Variants in ERBB4 observed in about 807,000 individuals in gnomAD.
ERBB4 encodes the protein erb-b2 receptor tyrosine kinase 4, also known as receptor tyrosine-protein kinase erbB-4.
A neutral mutation model predicts 158.0 loss-of-function variants in ERBB4; 42 were observed. The observed-to-expected ratio is 0.27, with a 90% CI of 0.21 to 0.34. The LOEUF (loss-of-function observed/expected upper bound fraction) is 0.34, where lower values mean the gene tolerates loss of function less well. Among genes scored for constraint, ERBB4 ranks in the 10% least tolerant of loss-of-function variants. The pLI is 1.00. For missense variants in ERBB4, 1,333 were observed against 1,624.1 expected (o/e 0.82, Z 3.08); for synonymous variants, 583 against 558.7 (o/e 1.04, Z -0.61).
intron 19 of ERBB4, among the ~76,000 whole-genome samples, chr2:211,600,350 G>T (rs961845936): frequency 6.6e-6 from 1 of 152,020 alleles, no homozygotes; most frequent in Non-Finnish European, 1.5e-5. Flanking sequence ...TGGGATAATA[G>T]CAAGTGAAAA....
intron 1 of ERBB4, among the ~76,000 whole-genome samples, chr2:212,148,259 T>C (rs1271319829): frequency 6.6e-6 from 1 of 152,072 alleles, no homozygotes; most frequent in Non-Finnish European, 1.5e-5. Context: ...GAATATAGAC[T>C]AAAAACTAGC....
intron 20 of ERBB4, among the ~76,000 whole-genome samples, chr2:211,542,984 G>A (rs1290723667): frequency 1.3e-5 from 2 of 151,970 alleles, no homozygotes; most frequent in Non-Finnish European, 2.9e-5. Context: ...GAATTAGTAA[G>A]TTGGCAGAAT....
At chr2:212,465,904 T>C (rs1157691636) in intron 1 of ERBB4, among the ~76,000 whole-genome samples, 1 of 152,224 alleles carries the variant, frequency 6.6e-6, no homozygotes, top group Non-Finnish European at 1.5e-5. Context: ...GAAGTTCTTC[T>C]ATTTGAAATT....
intron 1 of ERBB4, among the ~76,000 whole-genome samples, chr2:212,292,494 T>C (rs888571160): frequency 1.3e-5 from 2 of 151,970 alleles, no homozygotes; most frequent in Non-Finnish European, 2.9e-5. Flanking sequence ...TAATTATAGA[T>C]AAAAAATAGT....
intron 20 of ERBB4, among the ~76,000 whole-genome samples, chr2:211,495,923 G>A (rs1251081261): frequency 2.6e-5 from 4 of 151,758 alleles, no homozygotes; most frequent in Non-Finnish European, 4.4e-5. Context: ...TGCTAAAAAC[G>A]TAGGGTTGTC....
At chr2:212,373,216 A>G (rs1008999513) in intron 1 of ERBB4, among the ~76,000 whole-genome samples, 1 of 152,116 alleles carries the variant, frequency 6.6e-6, no homozygotes, top group Non-Finnish European at 1.5e-5. Context: ...TATTATCCAC[A>G]TTTTAGAGAT....
rs564197753 is a variant in ERBB4 at position 211,440,999 on chromosome 2, T to C, written c.2488-9899A>G. On this transcript the variant is annotated intron_variant, in intron 20 of 27. Transcript: ENST00000342788. ...AAAGTGGCACCTACATACTTCCTTC[T>C]GGAAGTCACCCAGCCACTTCCAAAC... 2.3e-4 allele frequency among the ~76,000 whole-genome samples: 35 copies of C among 152,332 alleles called. No individual in the cohort carries two copies. The South Asian group carries it at 3.7e-3, about 16-fold the overall frequency.
intron 1 of ERBB4, among the ~76,000 whole-genome samples, chr2:212,459,499 A>C (rs1290973459): frequency 1.3e-5 from 2 of 152,208 alleles, no homozygotes; most frequent in African/African-American, 4.8e-5. Flanking sequence ...GAAAGTAATA[A>C]TACTGTGAAA....
chr2:211,407,944 A>G (rs1354977722), intron 25 of ERBB4, among the ~76,000 whole-genome samples: 1 of 152,218 alleles, frequency 6.6e-6, no homozygotes, highest in Non-Finnish European at 1.5e-5. Context: ...TGGAGTAATC[A>G]AAGGATATTC....
At chr2:211,581,617 T>G (rs567329091) in intron 19 of ERBB4, among the ~76,000 whole-genome samples, 176 of 152,290 alleles carry the variant, frequency 1.2e-3, no homozygotes, top group Non-Finnish European at 2.2e-3. Context: ...TGAGTAGAAT[T>G]TTGCTTCTAG....
intron 6 of ERBB4, among the ~76,000 whole-genome samples, chr2:211,723,059 T>C (rs1360505386): frequency 6.6e-6 from 1 of 152,200 alleles, no homozygotes; most frequent in Non-Finnish European, 1.5e-5. Flanking sequence ...ATACAGTGCA[T>C]GTAATGCCAA....
chr2:211,899,714 TTAA>T (rs1456638404), intron 3 of ERBB4, among the ~76,000 whole-genome samples: 1 of 152,120 alleles, frequency 6.6e-6, no homozygotes, highest in African/African-American at 2.4e-5. Flanking sequence ...ATATAATTCC[TTAA>T]TAGAAAAAGT....
chr2:212,527,219 C>CAT (rs1008732361), intron 1 of ERBB4, among the ~76,000 whole-genome samples: 4 of 151,978 alleles, frequency 2.6e-5, no homozygotes, highest in African/African-American at 9.7e-5. Flanking sequence ...CTGGATTAGG[C>CAT]ATACTCATAT....
At chr2:211,911,946 C>A (rs72933742) in intron 3 of ERBB4, among the ~76,000 whole-genome samples, 9,532 of 151,632 alleles carry the variant, frequency 0.063, 453 homozygotes, top group Non-Finnish European at 0.092. Flanking sequence ...GTTTCAATCA[C>A]TGAGGTTTAT....
chr2:211,748,013 T>C (rs1185940432), intron 5 of ERBB4, among the ~76,000 whole-genome samples: 2 of 151,800 alleles, frequency 1.3e-5, no homozygotes, highest in African/African-American at 2.4e-5. Flanking sequence ...CATAATACAA[T>C]GTAAATGCTA....
chr2:212,351,372 T>C (rs1305250736), intron 1 of ERBB4, among the ~76,000 whole-genome samples: 1 of 152,160 alleles, frequency 6.6e-6, no homozygotes, highest in African/African-American at 2.4e-5. Context: ...TTGTTTAAGC[T>C]ACCCAGTCCA....
chr2:212,053,618 T>C (rs188563975), intron 2 of ERBB4, among the ~76,000 whole-genome samples: 38 of 152,328 alleles, frequency 2.5e-4, no homozygotes, highest in African/African-American at 7.0e-4. Flanking sequence ...CCCTTTGTTC[T>C]TGGAATAGAA....
At chr2:211,805,262 T>C (rs1456897539) in intron 3 of ERBB4, among the ~76,000 whole-genome samples, 1 of 150,998 alleles carries the variant, frequency 6.6e-6, no homozygotes, top group Non-Finnish European at 1.5e-5. Context: ...CTCCATGCCA[T>C]AGGCTGGAAG....
intron 19 of ERBB4, among the ~76,000 whole-genome samples, chr2:211,613,590 C>G (rs2069278925): frequency 6.6e-6 from 1 of 151,770 alleles, no homozygotes; most frequent in African/African-American, 2.4e-5. Context: ...ATAATCTGAC[C>G]AAAATGTGGG....
Sources: allele counts gnomAD v4.1 joint callset (sites outside exome capture counted in the v4.1 genomes callset), GRCh38; gene constraint gnomAD v4.1.1; transcripts MANE v1.5; gene names NCBI Gene and HGNC (gene_info 2026-07-23, HGNC 2026-07-21).